Variants in IQCM observed in about 807,000 individuals in gnomAD.
IQCM encodes the protein IQ motif containing M, also known as IQ domain-containing protein M.
A neutral mutation model predicts 57.6 loss-of-function variants in IQCM; 45 were observed. That is an observed-to-expected ratio of 0.78 (90% confidence interval 0.62 to 1.00). IQCM has a LOEUF of 1.00. Ranked by LOEUF, IQCM falls within the 50% of genes least tolerant of loss-of-function variation. The pLI, the probability that IQCM is intolerant of heterozygous loss-of-function variation, is 0.00. For missense variants in IQCM, 468 were observed against 511.6 expected, an observed-to-expected ratio of 0.91 and a Z score of 0.82; for synonymous variants, 148 against 158.9, an observed-to-expected ratio of 0.93 and a Z score of 0.51.
chr4:149,450,105 G>A (rs1402096292), intron 12 of IQCM, among the ~76,000 whole-genome samples: 1 of 151,712 alleles, frequency 6.6e-6, no homozygotes, highest in Non-Finnish European at 1.5e-5. Context: ...ACATATACTG[G>A]GGAAAAGACA....
chr4:149,365,899 G>A (rs1729796333), intron 13 of IQCM, among the ~76,000 whole-genome samples: 1 of 152,088 alleles, frequency 6.6e-6, no homozygotes, highest in Admixed American at 6.6e-5. Flanking sequence ...AGAATTAGAT[G>A]CTGGAATGGA....
At chr4:149,656,119 C>T (rs1759613890) in intron 7 of IQCM, among the ~76,000 whole-genome samples, 1 of 151,904 alleles carries the variant, frequency 6.6e-6, no homozygotes, top group Non-Finnish European at 1.5e-5. Flanking sequence ...GCTGGCCATG[C>T]CTGGGGAGCC....
chr4:149,374,256 A>G (rs1730559491), intron 13 of IQCM, among the ~76,000 whole-genome samples: 1 of 152,144 alleles, frequency 6.6e-6, no homozygotes, highest in Admixed American at 6.6e-5. Flanking sequence ...TAAGTACTTA[A>G]TTATTGTATC....
At chr4:149,628,184 A>G (rs867934767) in intron 7 of IQCM, among the ~76,000 whole-genome samples, 2 of 152,156 alleles carry the variant, frequency 1.3e-5, no homozygotes, top group South Asian at 2.1e-4. Context: ...AAAATTCAGT[A>G]AAACTGTTTA....
chr4:149,609,498 A>G (rs1366332320), intron 8 of IQCM, among the ~76,000 whole-genome samples: 1 of 151,958 alleles, frequency 6.6e-6, no homozygotes, highest in Non-Finnish European at 1.5e-5. Context: ...CAAAAATACT[A>G]GCAAACAAAA....
intron 12 of IQCM, among the ~76,000 whole-genome samples, chr4:149,521,344 A>G (rs1490236648): frequency 6.6e-6 from 1 of 152,160 alleles, no homozygotes; most frequent in Non-Finnish European, 1.5e-5. Flanking sequence ...GAGGGAGGGG[A>G]AAAATAAAAG....
At chr4:149,531,266 G>C (rs1407931355) in intron 12 of IQCM, among the ~76,000 whole-genome samples, 2 of 152,236 alleles carry the variant, frequency 1.3e-5, no homozygotes, top group Middle Eastern at 3.4e-3. Context: ...TTAAGCATCT[G>C]TATGGTACGC....
At chr4:149,568,660 A>G (rs1270763742) in intron 9 of IQCM, among the ~76,000 whole-genome samples, 1 of 152,034 alleles carries the variant, frequency 6.6e-6, no homozygotes, top group Non-Finnish European at 1.5e-5. Flanking sequence ...GCATGGTGGC[A>G]CATGCTACCA....
intron 8 of IQCM, among the ~76,000 whole-genome samples, chr4:149,607,327 T>A (rs933549802): frequency 6.6e-6 from 1 of 152,008 alleles, no homozygotes; most frequent in Non-Finnish European, 1.5e-5. Context: ...ATAAAGACTT[T>A]CCCAAACAAA....
intron 12 of IQCM, among the ~76,000 whole-genome samples, chr4:149,530,151 C>T (rs1344784884): frequency 1.3e-5 from 2 of 152,124 alleles, no homozygotes; most frequent in African/African-American, 4.8e-5. Flanking sequence ...AAAATGTCCC[C>T]ATCTTGCTCT....
intron 12 of IQCM, among the ~76,000 whole-genome samples, chr4:149,476,265 T>A (rs1027426283): frequency 6.6e-6 from 1 of 152,160 alleles, no homozygotes. Flanking sequence ...ATAGTTTTTG[T>A]ATGGGAAGAT....
chr4:149,613,259 G>A (rs868830912), intron 8 of IQCM, among the ~76,000 whole-genome samples: 16 of 151,976 alleles, frequency 1.1e-4, no homozygotes, highest in Middle Eastern at 3.2e-3. Flanking sequence ...AGAAAAAAAT[G>A]AGCAAATATG....
intron 13 of IQCM, among the ~76,000 whole-genome samples, chr4:149,405,062 G>A (rs1732883004): frequency 6.6e-6 from 1 of 151,936 alleles, no homozygotes; most frequent in Non-Finnish European, 1.5e-5. Flanking sequence ...AATAAAATGA[G>A]AGCTCATTCA....
chr4:149,619,658 A>T (rs1304189390), intron 8 of IQCM, among the ~76,000 whole-genome samples: 1 of 152,222 alleles, frequency 6.6e-6, no homozygotes, highest in East Asian at 1.9e-4. Flanking sequence ...CAACAGGTAG[A>T]TAAAAGAATT....
At chr4:149,681,755 G>A (rs1762195471) in intron 7 of IQCM, among the ~76,000 whole-genome samples, 1 of 150,954 alleles carries the variant, frequency 6.6e-6, no homozygotes, top group African/African-American at 2.4e-5. Flanking sequence ...AGAGTTCCTC[G>A]ATCACATTTA....
intron 12 of IQCM, among the ~76,000 whole-genome samples, chr4:149,460,450 G>A (rs879435925): frequency 6.6e-6 from 1 of 152,018 alleles, no homozygotes; most frequent in Admixed American, 6.6e-5. Context: ...AAACAGATGA[G>A]GACATATATA....
chr4:149,664,009 G>A (rs542367501), intron 7 of IQCM, among the ~76,000 whole-genome samples: 163 of 152,016 alleles, frequency 1.1e-3, no homozygotes, highest in Admixed American at 2.9e-3. Flanking sequence ...TTTCTTCATT[G>A]TTTGATTCTT....
At chr4:149,378,772 A>C (rs1730871941) in intron 13 of IQCM, among the ~76,000 whole-genome samples, 1 of 152,186 alleles carries the variant, frequency 6.6e-6, no homozygotes, top group Non-Finnish European at 1.5e-5. Context: ...GGCTGCAGAA[A>C]TTTGCATAAG....
chr4:149,379,649 T>G (rs768737983), intron 13 of IQCM, among the ~76,000 whole-genome samples: 7 of 152,208 alleles, frequency 4.6e-5, no homozygotes, highest in Non-Finnish European at 8.8e-5. Context: ...CTAACTTGCT[T>G]TTGATCTTAC....
Sources: gnomAD v4.1 joint callset for allele counts (sites outside exome capture counted in the v4.1 genomes callset) on GRCh38, gnomAD v4.1.1 for gene constraint, MANE v1.5 for transcripts, NCBI Gene and HGNC (gene_info 2026-07-23, HGNC 2026-07-21) for gene names.